DMD: variants seen among roughly 807,000 people sequenced by gnomAD.
DMD encodes mutant dystrophin.
Under a neutral mutation model 330.1 loss-of-function variants are expected in DMD, and 63 were observed. That is an observed-to-expected ratio of 0.19 (90% CI 0.16 to 0.24). The LOEUF (loss-of-function observed/expected upper bound fraction) is 0.24. Ranked by LOEUF, DMD falls within the 10% of genes least tolerant of loss-of-function variation. DMD has a pLI of 1.00. For missense variants in DMD, 3,344 were observed against 2,684.1 expected (o/e 1.25, Z -5.43); for synonymous variants, 1,223 against 959.8 (o/e 1.27, Z -5.07).
At chrX:32,041,125 A>G (rs1667728995) in intron 44 of DMD, among the ~76,000 whole-genome samples, 1 of 112,132 alleles carries the variant, frequency 8.9e-6, no homozygotes, top group Non-Finnish European at 1.9e-5. Flanking sequence ...ATTCAAAAGA[A>G]TGGCTAAGAT....
chrX:32,407,538 G>C (rs1258133540), intron 30 of DMD, among the ~76,000 whole-genome samples: 2 of 111,095 alleles, frequency 1.8e-5, no homozygotes, highest in Non-Finnish European at 1.9e-5. Context: ...CTGTAAACTA[G>C]TTCAACCATT....
rs765324392 is a variant in DMD at position 32,510,307 on chromosome X, C to T, written c.2292+7701G>A. On this transcript the variant is annotated intron_variant, in intron 18 of 78. Transcript: ENST00000357033. ...GGCTGTGCATTTATTTTTCCCCATG[C>T]CTAAAAAGGCCCTAAATTACTTACT... Among the ~76,000 whole-genome samples, 3 of 111,867 alleles carry T rather than the reference C, an allele frequency of 2.7e-5. No individual in the cohort carries two copies. In the East Asian group the frequency reaches 8.5e-4, roughly 32 times the overall value.
chrX:31,623,805 A>AGTT (rs1367510429), intron 55 of DMD, among the ~76,000 whole-genome samples: 2 of 111,037 alleles, frequency 1.8e-5, no homozygotes, highest in African/African-American at 6.6e-5. Flanking sequence ...ATTGCTCCTT[A>AGTT]GTTTGTCTTG....
chrX:31,672,371 G>T (rs1038993059), intron 53 of DMD, among the ~76,000 whole-genome samples: 1 of 112,101 alleles, frequency 8.9e-6, no homozygotes, highest in African/African-American at 3.2e-5. Context: ...TGAGTATTCT[G>T]CTATTATTGG....
intron 49 of DMD, among the ~76,000 whole-genome samples, chrX:31,822,850 C>G (rs2092804151): frequency 9.1e-6 from 1 of 110,154 alleles, no homozygotes; most frequent in African/African-American, 3.3e-5. Flanking sequence ...CATAGTACCC[C>G]CTGATTTTTC....
chrX:32,380,755 C>CCACTTATTTGGAACCACTTA, intron 33 of DMD, 75 bp from the exon 34 acceptor site: 1 of 829,950 alleles, frequency 1.2e-6, no homozygotes, highest in South Asian at 2.3e-5. Context: ...TTATTTGGAA[C>CCACTTATTTGGAACCACTTA]TTTTATATTT....
At chrX:31,751,286 C>A (rs2088545049) in intron 51 of DMD, among the ~76,000 whole-genome samples, 2 of 111,473 alleles carry the variant, frequency 1.8e-5, no homozygotes, top group African/African-American at 6.5e-5. Context: ...TTTCTGACTC[C>A]TAAGTCTAGC....
At chrX:33,300,150 T>C (rs1349199362) in intron 1 of DMD, among the ~76,000 whole-genome samples, 2 of 112,451 alleles carry the variant, frequency 1.8e-5, no homozygotes, top group South Asian at 3.6e-4. Context: ...TGAATGAGTT[T>C]TATCATTGCT....
chrX:31,685,203 G>A (rs1798117718), intron 52 of DMD, among the ~76,000 whole-genome samples: 1 of 108,352 alleles, frequency 9.2e-6, no homozygotes, highest in African/African-American at 3.3e-5. Flanking sequence ...GGGTAGGAAG[G>A]GATTTTTGCC....
At chrX:32,826,034 G>T (rs1380575791) in intron 4 of DMD, among the ~76,000 whole-genome samples, 2 of 111,359 alleles carry the variant, frequency 1.8e-5, no homozygotes, top group East Asian at 5.6e-4. Flanking sequence ...CTAGGGCAAT[G>T]AACCTGAATA....
chrX:31,438,046 T>G (rs2064666962), intron 60 of DMD, among the ~76,000 whole-genome samples: 1 of 110,272 alleles, frequency 9.1e-6, no homozygotes, highest in South Asian at 3.8e-4. Flanking sequence ...TAAATCCATA[T>G]AGCAGCAAAT....
At chrX:31,739,107 A>C (rs1020975495) in intron 51 of DMD, among the ~76,000 whole-genome samples, 1 of 112,149 alleles carries the variant, frequency 8.9e-6, no homozygotes, top group South Asian at 3.7e-4. Context: ...TGGAACATAA[A>C]GAATAAATGC....
intron 1 of DMD, chrX:33,041,369 C>T: frequency 8.5e-7 from 1 of 1,178,811 alleles, no homozygotes; most frequent in Non-Finnish European, 1.1e-6. Context: ...CTTTCCGCCC[C>T]TCCTTCTCGC....
Position 32,877,042 on chromosome X carries a change from G to GC in DMD, c.94-27223dup, listed in dbSNP as rs758358913. ...TCAACTAAGATAGACACAAAGGGGT[G>GC]CCAGTGGATAACAGTGTTATTTCAT... On this transcript the variant is annotated intron_variant, in intron 2 of 78. Transcript: ENST00000357033. Among the ~76,000 whole-genome samples, 524 of 107,856 alleles carry GC rather than the reference G, an allele frequency of 4.9e-3. 2 individuals are homozygous for GC. The highest frequency in any genetic ancestry group is 0.016 in the African/African-American group (487 of 29,625). 93.7% of individuals were successfully genotyped at this position (107,856 alleles called of 115,157 possible).
At chrX:31,894,659 T>C (rs1274710116) in intron 47 of DMD, among the ~76,000 whole-genome samples, 1 of 112,180 alleles carries the variant, frequency 8.9e-6, no homozygotes, top group African/African-American at 3.2e-5. Context: ...TCCAAGGCTG[T>C]GTGAGGAGAT....
At chrX:32,580,881 C>A (rs1380925996) in intron 13 of DMD, among the ~76,000 whole-genome samples, 6 of 110,935 alleles carry the variant, frequency 5.4e-5, no homozygotes, top group Admixed American at 4.8e-4. Context: ...GGCTGGAGAG[C>A]AGTGGCGCGA....
intron 16 of DMD, among the ~76,000 whole-genome samples, chrX:32,558,950 T>TC (rs2050668448): frequency 6.2e-5 from 5 of 80,616 alleles, no homozygotes; most frequent in African/African-American, 2.6e-4. Context: ...TTTTTTTTTT[T>TC]TTTTTTTTTT....
intron 49 of DMD, among the ~76,000 whole-genome samples, chrX:31,823,174 C>A (rs1030482219): frequency 1.8e-5 from 2 of 112,833 alleles, no homozygotes; most frequent in African/African-American, 3.2e-5. Flanking sequence ...CAAGGAGGCA[C>A]CCCTCTGTGC....
intron 57 of DMD, among the ~76,000 whole-genome samples, chrX:31,482,608 T>G (rs2149271054): frequency 9.0e-6 from 1 of 111,614 alleles, no homozygotes; most frequent in East Asian, 2.8e-4. Flanking sequence ...CTAGATGTGC[T>G]GAGAGCAATT....
Sources: allele counts gnomAD v4.1 joint callset (sites outside exome capture counted in the v4.1 genomes callset), GRCh38; gene constraint gnomAD v4.1.1; transcripts MANE v1.5; gene names NCBI Gene and HGNC (gene_info 2026-07-23, HGNC 2026-07-21).